Variants in ZFHX3 observed in about 807,000 individuals in gnomAD.
The protein encoded by ZFHX3 is zinc finger homeobox 3, also known as zinc finger homeobox protein 3.
ZFHX3 carries 42 observed loss-of-function variants against 279.1 expected under a neutral mutation model. That is an observed-to-expected ratio of 0.15 (90% confidence interval 0.12 to 0.19). The LOEUF (loss-of-function observed/expected upper bound fraction) is 0.19. Ranked by LOEUF, ZFHX3 falls within the 10% of genes least tolerant of loss-of-function variation. ZFHX3 has a pLI of 1.00. For missense variants in ZFHX3, 4,981 were observed against 4,754.0 expected, an observed-to-expected ratio of 1.05 and a Z score of -1.40; for synonymous variants, 2,293 against 1,957.8, an observed-to-expected ratio of 1.17 and a Z score of -4.52.
At chr16:73,814,483 G>A (rs1242598796) in intron 1 of ZFHX3, among the ~76,000 whole-genome samples, 2 of 152,012 alleles carry the variant, frequency 1.3e-5, no homozygotes, top group Non-Finnish European at 2.9e-5. Context: ...TAGACTTTTG[G>A]TAAAGATGCA....
chr16:73,196,420 A>G (rs951669184), intron 5 of ZFHX3, among the ~76,000 whole-genome samples: 1 of 152,106 alleles, frequency 6.6e-6, no homozygotes, highest in African/African-American at 2.4e-5. Flanking sequence ...ACTTCGATAC[A>G]GCCTAGTGAC....
At chr16:73,286,152 CTCTCTCTCTCTG>C (rs1375401730) in intron 4 of ZFHX3, among the ~76,000 whole-genome samples, 9 of 151,674 alleles carry the variant, frequency 5.9e-5, no homozygotes, top group Admixed American at 1.3e-4. Flanking sequence ...CTCTCCCTCC[CTCTCTCTCTCTG>C]TCTCTCTCTC....
intron 6 of ZFHX3, among the ~76,000 whole-genome samples, chr16:73,136,407 A>C (rs936788704): frequency 6.6e-6 from 1 of 151,922 alleles, no homozygotes; most frequent in Non-Finnish European, 1.5e-5. Context: ...GTTGGTGCAA[A>C]AGTCATTGCA....
At chr16:73,484,121 G>A (rs535096635) in intron 2 of ZFHX3, among the ~76,000 whole-genome samples, 1 of 152,010 alleles carries the variant, frequency 6.6e-6, no homozygotes, top group Admixed American at 6.6e-5. Context: ...GGTAGGAAAG[G>A]CGCAGTTGTG....
chr16:72,890,920 G>A (rs73590760), intron 3 of ZFHX3, among the ~76,000 whole-genome samples: 10,259 of 152,264 alleles, frequency 0.067, 528 homozygotes, highest in East Asian at 0.15. Flanking sequence ...ATAGAAATGT[G>A]CTAAATTATG....
chr16:73,238,997 C>T (rs1381849976), intron 5 of ZFHX3, among the ~76,000 whole-genome samples: 1 of 152,160 alleles, frequency 6.6e-6, no homozygotes, highest in Admixed American at 6.5e-5. Context: ...CACAGCATGA[C>T]TCCACTTTCA....
chr16:73,276,236 T>C (rs1180203801), intron 4 of ZFHX3, among the ~76,000 whole-genome samples: 10 of 150,666 alleles, frequency 6.6e-5, no homozygotes, highest in African/African-American at 2.2e-4. Context: ...CAGGCTGGAG[T>C]GCAATGGTGC....
At chr16:73,479,725 T>C (rs565449103) in intron 2 of ZFHX3, among the ~76,000 whole-genome samples, 46 of 152,312 alleles carry the variant, frequency 3.0e-4, no homozygotes, top group Non-Finnish European at 4.9e-4. Flanking sequence ...TGAATGAATG[T>C]TGAAACTCAC....
At chr16:73,400,255 T>C (rs1354654117) in intron 3 of ZFHX3, 1 of 152,218 alleles carries the variant, frequency 6.6e-6, no homozygotes, top group Non-Finnish European at 1.5e-5. Context: ...AGTTTCCGCA[T>C]GAACAAGGTG....
chr16:73,346,759 A>G (rs1335838788), intron 3 of ZFHX3, among the ~76,000 whole-genome samples: 1 of 152,200 alleles, frequency 6.6e-6, no homozygotes, highest in Admixed American at 6.5e-5. Flanking sequence ...GGCGTGAGCC[A>G]CTGTGCCCAG....
intron 2 of ZFHX3, among the ~76,000 whole-genome samples, chr16:73,555,315 C>T (rs1277422381): frequency 2.0e-5 from 3 of 151,968 alleles, no homozygotes; most frequent in African/African-American, 7.2e-5. Context: ...CCACCACACC[C>T]GGCTAATTTT....
intron 7 of ZFHX3, among the ~76,000 whole-genome samples, chr16:73,094,152 T>G (rs1966127888): frequency 6.6e-6 from 1 of 152,186 alleles, no homozygotes; most frequent in African/African-American, 2.4e-5. Flanking sequence ...CAATATACCT[T>G]TGAAAATAAT....
chr16:73,746,214 G>A (rs866979963), intron 1 of ZFHX3, among the ~76,000 whole-genome samples: 1 of 152,058 alleles, frequency 6.6e-6, no homozygotes, highest in Non-Finnish European at 1.5e-5. Context: ...AACTTCAGTG[G>A]CCTGGAGTCA....
chr16:73,018,329 C>T (rs1597097139), intron 1 of ZFHX3, among the ~76,000 whole-genome samples: 1 of 148,470 alleles, frequency 6.7e-6, no homozygotes. Flanking sequence ...ACTCTAAGGC[C>T]GGGTGTGGTG....
intron 2 of ZFHX3, among the ~76,000 whole-genome samples, chr16:73,653,330 A>G (rs992967440): frequency 3.9e-5 from 6 of 152,196 alleles, no homozygotes; most frequent in Admixed American, 1.3e-4. Context: ...AATTCACCAT[A>G]TGATGATCCA....
chr16:72,902,359 G>A lies in ZFHX3; in HGVS notation c.3217-12397C>T, dbSNP rs564226712. Among the ~76,000 whole-genome samples, 52 of 152,274 alleles carry A rather than the reference G, an allele frequency of 3.4e-4. 1 individual carries two copies. In the South Asian group the frequency reaches 6.8e-3, roughly 20 times the overall value. ...AACACAGGCTCCCAATCAATAGCCC[G>A]GACCAGCTTAATGAGGTGGGGCTGA... On this transcript the variant is annotated intron_variant, in intron 3 of 9. Transcript: ENST00000268489.
intron 4 of ZFHX3, among the ~76,000 whole-genome samples, chr16:73,304,699 T>G (rs2015139337): frequency 1.3e-5 from 2 of 152,144 alleles, no homozygotes; most frequent in South Asian, 2.1e-4. Context: ...AAGCCCTCCT[T>G]TGAACCAATC....
chr16:73,534,857 G>C (rs527841700), intron 2 of ZFHX3, among the ~76,000 whole-genome samples: 2 of 152,122 alleles, frequency 1.3e-5, no homozygotes, highest in Non-Finnish European at 2.9e-5. Flanking sequence ...GAAACCTTTA[G>C]ATTTTGGTGG....
At chr16:73,027,543 G>A (rs982447125) in intron 1 of ZFHX3, among the ~76,000 whole-genome samples, 6 of 152,140 alleles carry the variant, frequency 3.9e-5, no homozygotes, top group Non-Finnish European at 5.9e-5. Flanking sequence ...AATACACAAC[G>A]CATGCTCTAG....
Sources: gnomAD v4.1 joint callset for allele counts (sites outside exome capture counted in the v4.1 genomes callset) on GRCh38, gnomAD v4.1.1 for gene constraint, MANE v1.5 for transcripts, NCBI Gene and HGNC (gene_info 2026-07-23, HGNC 2026-07-21) for gene names.